ABCC1: variants seen among roughly 807,000 people sequenced by gnomAD.
ABCC1 encodes the protein ATP binding cassette subfamily C member 1 (ABCC1 blood group).
A neutral mutation model predicts 172.9 loss-of-function variants in ABCC1; 83 were observed. The ratio of observed to expected loss-of-function variants is 0.48; its 90% CI spans 0.40 to 0.58. ABCC1 has a LOEUF of 0.58. Ranked by LOEUF, ABCC1 falls within the 20% of genes least tolerant of loss-of-function variation. The pLI is 0.00. For missense variants in ABCC1, 1,817 were observed against 2,002.7 expected, an observed-to-expected ratio of 0.91 and a Z score of 1.77; for synonymous variants, 937 against 825.2, an observed-to-expected ratio of 1.14 and a Z score of -2.32.
Position 16,068,319 on chromosome 16 carries a change from G to C in ABCC1, c.1824+17G>C. 1 of 1,612,650 alleles carries C rather than the reference G, an allele frequency of 6.2e-7. No individual in the cohort carries two copies. Among genetic ancestry groups the C allele is most frequent in the Non-Finnish European group, 8.5e-7 (1 of 1,179,404 alleles). On this transcript the variant is annotated intron_variant, in intron 13 of 30. Coordinates refer to ENST00000399410, the MANE Select transcript of ABCC1 (RefSeq NM_004996.4). ...ATCGTGCAGGTACAGGGGGAAGCTG[G>C]GGCGACTTCCGAGAGGGGGCCTTGG...
chr16:16,019,221 A>G (rs1597126645), intron 5 of ABCC1, among the ~76,000 whole-genome samples: 1 of 152,010 alleles, frequency 6.6e-6, no homozygotes, highest in South Asian at 2.1e-4. Flanking sequence ...CTTCTGCTTC[A>G]GCCTCCTGAG....
Position 16,052,774 on chromosome 16 carries a change from G to C in ABCC1, c.1431G>C (p.Val477=). 1 of 1,614,114 alleles carries C rather than the reference G, an allele frequency of 6.2e-7. No individual in the cohort carries two copies. The highest frequency in any genetic ancestry group is 8.5e-7 in the Non-Finnish European group (1 of 1,180,030). The change falls in exon 11 of 31, where the codon GTG becomes GTC. Residue 477 remains valine, a synonymous_variant. Transcript: ENST00000399410. The part of the protein sequence containing the change: ...LAGVAVMVLM[V]PVNAVMAMKT... The stretch of plus-strand genomic sequence containing the variant: ...GAGTGGCGGTGATGGTCCTCATGGT[G>C]CCCGTCAATGCTGTGATGGCGATGA...
chr16:15,974,042 C>T (rs2046429955), intron 1 of ABCC1, among the ~76,000 whole-genome samples: 1 of 152,054 alleles, frequency 6.6e-6, no homozygotes, highest in Non-Finnish European at 1.5e-5. Flanking sequence ...CTGGTGAGGA[C>T]ACAGCTTATT....
In ABCC1 at chr16:15,996,011, G is replaced by T. The variant is rs1021128291; in HGVS notation, c.49-11805G>T. ...TTTTTTTTTTTTTTTTTGAGATGCA[G>T]TCTCACTCTTTTGTCCAGGCTGGAG... is the stretch of plus-strand genomic sequence containing the variant. On this transcript the variant is annotated intron_variant, in intron 1 of 30. Transcript: ENST00000399410. Among the ~76,000 whole-genome samples, 26 of 124,244 alleles carry T rather than the reference G, an allele frequency of 2.1e-4. 1 individual carries two copies. The South Asian group carries it at 6.2e-3, about 30-fold the overall frequency. The allele number at this position is 124,244 out of a possible 152,430, so 81.5% of individuals were successfully genotyped here.
intron 21 of ABCC1, among the ~76,000 whole-genome samples, chr16:16,109,183 T>C (rs1413242221): frequency 2.6e-5 from 4 of 152,202 alleles, no homozygotes; most frequent in Non-Finnish European, 5.9e-5. Flanking sequence ...TTTTTGTTTT[T>C]TTTTCTGGTG....
chr16:15,978,363 A>G (rs1399575006), intron 1 of ABCC1, among the ~76,000 whole-genome samples: 1 of 151,778 alleles, frequency 6.6e-6, no homozygotes, highest in African/African-American at 2.4e-5. Flanking sequence ...GTGAAACCCC[A>G]TCTCAAACAA....
At chr16:16,049,591 C>G (rs924772075) in intron 10 of ABCC1, among the ~76,000 whole-genome samples, 1 of 152,222 alleles carries the variant, frequency 6.6e-6, no homozygotes, top group Non-Finnish European at 1.5e-5. Context: ...TTTACCCTCC[C>G]TTCTCAATTA....
intron 1 of ABCC1, among the ~76,000 whole-genome samples, chr16:16,003,913 G>A (rs895578569): frequency 8.8e-5 from 13 of 148,162 alleles, no homozygotes; most frequent in African/African-American, 2.7e-4. Flanking sequence ...TGGATGAATT[G>A]GTAGGTGGGT....
chr16:16,060,255 T>C (rs763759505), intron 12 of ABCC1, among the ~76,000 whole-genome samples: 2 of 152,170 alleles, frequency 1.3e-5, no homozygotes, highest in Non-Finnish European at 2.9e-5. Context: ...TGTCAAATAC[T>C]GGGCCCTGTC....
At chr16:16,033,710 G>A (rs908790204) in intron 6 of ABCC1, among the ~76,000 whole-genome samples, 3 of 151,856 alleles carry the variant, frequency 2.0e-5, no homozygotes, top group South Asian at 4.2e-4. Context: ...ACAAGTCTCC[G>A]CCTCCCAGGT....
chr16:16,039,833 G>C (rs1203444586), intron 7 of ABCC1, among the ~76,000 whole-genome samples: 1 of 152,162 alleles, frequency 6.6e-6, no homozygotes, highest in East Asian at 1.9e-4. Context: ...GGCTTTCCAG[G>C]TAGAGGGAGC....
intron 26 of ABCC1, among the ~76,000 whole-genome samples, chr16:16,127,066 A>G (rs1415245965): frequency 1.3e-5 from 2 of 152,154 alleles, no homozygotes. Flanking sequence ...GAACAGCAGC[A>G]CAAGTAGGAA....
At position 16,079,364 on chromosome 16, in the gene ABCC1, C is replaced by T. The variant is rs8187863; in HGVS notation, c.2001C>T (p.Ser667=). The change falls in exon 16 of 31, where the codon TCC becomes TCT. Residue 667 remains serine (S), a synonymous_variant. Coordinates refer to ENST00000399410, the MANE Select transcript of ABCC1 (RefSeq NM_004996.4). The part of the protein sequence containing the change: ...DPPTLNGITF[S]IPEGALVAVV... Reference sequence around the variant, plus strand: ...TGTGTCGTTTCAGCATCACCTTCTCCATCCCCGAAGGTGCTTTGGTGGCCG... The same window carrying T: ...TGTGTCGTTTCAGCATCACCTTCTCTATCCCCGAAGGTGCTTTGGTGGCCG... 0.013 allele frequency: 21,097 copies of T among 1,613,984 alleles called. 177 individuals carry two copies. The highest frequency in any genetic ancestry group is 0.018 in the Middle Eastern group (108 of 6,058).
intron 8 of ABCC1, 110 bp downstream of exon 8, chr16:16,044,790 A>G: frequency 2.1e-6 from 2 of 943,662 alleles, no homozygotes; most frequent in Admixed American, 2.6e-5. Context: ...GTGGGCTCAT[A>G]GCCAGATGTC....
Position 16,140,051 on chromosome 16 carries a change from A to G in ABCC1, c.4488-1122A>G, listed in dbSNP as rs7197383. On this transcript the variant is annotated intron_variant, in intron 30 of 30. Coordinates refer to ENST00000399410, the MANE Select transcript of ABCC1 (RefSeq NM_004996.4). ...TATTCATAAAAACAGGCAAGGGGTCAGATTTGGCCTGCAGGCCACAGTTTG... is the reference window on the plus strand; with the variant it reads ...TATTCATAAAAACAGGCAAGGGGTCGGATTTGGCCTGCAGGCCACAGTTTG... 3.7e-3 allele frequency among the ~76,000 whole-genome samples: 569 copies of G among 152,388 alleles called. 6 individuals are homozygous for G. Among genetic ancestry groups the G allele is most frequent in the African/African-American group, 0.013 (522 of 41,596 alleles).
At chr16:15,988,024 C>T (rs984467397) in intron 1 of ABCC1, among the ~76,000 whole-genome samples, 10 of 152,098 alleles carry the variant, frequency 6.6e-5, no homozygotes, top group Non-Finnish European at 1.2e-4. Flanking sequence ...GTGGTGTGAT[C>T]GCAGATCACT....
At chr16:16,012,982 C>T (rs35384983) in intron 3 of ABCC1, among the ~76,000 whole-genome samples, 35,330 of 151,890 alleles carry the variant, frequency 0.23, 5,215 homozygotes, top group African/African-American at 0.41. Flanking sequence ...TGTGCCTGGC[C>T]GTTCCTGGTC....
chr16:15,952,328 C>G (rs577342897), intron 1 of ABCC1, among the ~76,000 whole-genome samples: 12 of 152,204 alleles, frequency 7.9e-5, no homozygotes, highest in Non-Finnish European at 1.8e-4. Flanking sequence ...TGGGATTGGG[C>G]TGTGAAAAGG....
At chr16:16,073,055 A>AAAAT (rs1567373573) in intron 14 of ABCC1, among the ~76,000 whole-genome samples, 1 of 143,834 alleles carries the variant, frequency 7.0e-6, no homozygotes, top group Non-Finnish European at 1.5e-5. Flanking sequence ...AAAAAAAAAA[A>AAAAT]AATAATAATA....
Sources: allele counts gnomAD v4.1 joint callset (sites outside exome capture counted in the v4.1 genomes callset), GRCh38; gene constraint gnomAD v4.1.1; transcripts MANE v1.5; gene names NCBI Gene and HGNC (gene_info 2026-07-23, HGNC 2026-07-21).